Variants in MED12L observed in about 807,000 individuals in gnomAD.
MED12L encodes mediator complex subunit 12L, also known as mediator of RNA polymerase II transcription subunit 12-like protein.
MED12L carries 60 observed loss-of-function variants against 281.3 expected under a neutral mutation model. The ratio of observed to expected loss-of-function variants is 0.21; its 90% CI spans 0.17 to 0.26. The LOEUF (loss-of-function observed/expected upper bound fraction) is 0.26. MED12L is among the 10% of genes least tolerant of loss of function. The pLI, the probability that MED12L is intolerant of heterozygous loss-of-function variation, is 1.00. For missense variants in MED12L, 2,146 were observed against 2,680.9 expected (o/e 0.80, Z 4.41); for synonymous variants, 974 against 987.2 (o/e 0.99, Z 0.25).
intron 16 of MED12L, among the ~76,000 whole-genome samples, chr3:151,299,356 C>CTTTCTTCTCTTTTCTTTTCTTTTCT (rs1745556413): frequency 1.1e-5 from 1 of 94,352 alleles, no homozygotes; most frequent in African/African-American, 4.0e-5. Flanking sequence ...TTCCTTCCTT[C>CTTTCTTCTCTTTTCTTTTCTTTTCT]TTTCTTTTCT....
intron 36 of MED12L, 86 bp from the exon 37 acceptor site, chr3:151,387,724 T>G: frequency 1.3e-6 from 2 of 1,488,158 alleles, no homozygotes; most frequent in South Asian, 2.7e-5. Flanking sequence ...GCCAAAGTGT[T>G]CTCTGACTCC....
chr3:151,198,109 A>G, intron 16 of MED12L: 1 of 183,154 alleles, frequency 5.5e-6, no homozygotes, highest in Non-Finnish European at 1.1e-5. Context: ...ATTTAAATGA[A>G]TAACTCATGA....
intron 4 of MED12L, among the ~76,000 whole-genome samples, chr3:151,125,554 C>T (rs1007429239): frequency 4.6e-5 from 7 of 152,126 alleles, no homozygotes; most frequent in Non-Finnish European, 1.0e-4. Flanking sequence ...TGCTAACTTG[C>T]GCTTGTTTAT....
chr3:151,314,470 C>T (rs1363682351), intron 16 of MED12L, among the ~76,000 whole-genome samples: 1 of 152,160 alleles, frequency 6.6e-6, no homozygotes, highest in Non-Finnish European at 1.5e-5. Context: ...TCTGCTCTTG[C>T]CTCCCTGCTT....
intron 16 of MED12L, among the ~76,000 whole-genome samples, chr3:151,309,123 ACACACACACACACACACG>A (rs1747109721): frequency 1.5e-5 from 2 of 129,886 alleles, no homozygotes; most frequent in Middle Eastern, 3.8e-3. Context: ...ATACACGCAC[ACACACACACACACACACG>A]CACACACACA....
chr3:151,387,069 CACTT>C (rs1360235316), intron 36 of MED12L, among the ~76,000 whole-genome samples: 4 of 152,188 alleles, frequency 2.6e-5, no homozygotes, highest in African/African-American at 4.8e-5. Flanking sequence ...ACAACAGTAA[CACTT>C]ACATCTTAGG....
chr3:151,155,535 C>A (rs780307626), intron 5 of MED12L, among the ~76,000 whole-genome samples: 2 of 152,168 alleles, frequency 1.3e-5, no homozygotes, highest in Non-Finnish European at 2.9e-5. Flanking sequence ...AGATGATTGT[C>A]CTGAGGGAAG....
chr3:151,255,477 G>A (rs571098791), intron 16 of MED12L, among the ~76,000 whole-genome samples: 1 of 152,232 alleles, frequency 6.6e-6, no homozygotes, highest in South Asian at 2.1e-4. Context: ...CGGGCAGGCG[G>A]TTTGGGTATA....
At chr3:151,195,005 A>G (rs1355910138) in intron 16 of MED12L, among the ~76,000 whole-genome samples, 2 of 152,188 alleles carry the variant, frequency 1.3e-5, no homozygotes, top group Non-Finnish European at 2.9e-5. Flanking sequence ...TCTACTAAAA[A>G]TACAAAAAAT....
chr3:151,273,227 C>CTTTTTT (rs63035061), intron 16 of MED12L, among the ~76,000 whole-genome samples: 8 of 106,168 alleles, frequency 7.5e-5, no homozygotes, highest in African/African-American at 1.0e-4. Context: ...TTGTTGTGTT[C>CTTTTTT]TTTTTTTTTT....
intron 16 of MED12L, among the ~76,000 whole-genome samples, chr3:151,314,826 C>G (rs939603039): frequency 1.3e-5 from 2 of 152,176 alleles, no homozygotes; most frequent in Admixed American, 1.3e-4. Flanking sequence ...CTGATCTAAT[C>G]CCTTCATTTT....
At chr3:151,381,486 T>C (rs1712330817) in intron 32 of MED12L, among the ~76,000 whole-genome samples, 2 of 152,232 alleles carry the variant, frequency 1.3e-5, no homozygotes, top group East Asian at 1.9e-4. Flanking sequence ...GCACTGGCCA[T>C]GTTACTGTTC....
rs2107913055 is a variant in MED12L at position 151,365,146 on chromosome 3, G to A, written c.3125G>A (p.Arg1042His). The A allele has an allele frequency of 1.2e-6, 2 of 1,614,046 alleles. No individual in the cohort carries two copies. The highest frequency in any genetic ancestry group is 1.7e-6 in the Non-Finnish European group (2 of 1,179,964). The change falls in exon 22 of 45, where the codon CGC becomes CAC. Residue 1042 changes from arginine (R) to histidine (H), a missense_variant. Physicochemically the swap from Arg to His is conservative, Grantham distance 29. Transcript: ENST00000687756. ...GKILSDNAAN[R>H]YSFVCNTLMN... is the part of the protein sequence containing the mutation. ...ATCCTCAGTGACAATGCGGCCAATC[G>A]CTACAGCTTTGTCTGCAATACACTC... is the stretch of plus-strand genomic sequence containing the variant.
chr3:151,214,679 A>G lies in MED12L; in HGVS notation c.2250+21013A>G, dbSNP rs1727854106. 2.0e-5 allele frequency among the ~76,000 whole-genome samples: 3 copies of G among 151,816 alleles called. 1 individual carries two copies. Among genetic ancestry groups the G allele is most frequent in the South Asian group, 4.2e-4 (2 of 4,816 alleles). On this transcript the variant is annotated intron_variant, in intron 16 of 44. Coordinates refer to ENST00000687756, the MANE Select transcript of MED12L (RefSeq NM_001393769.1). ...AAGAATGGAGCAGACAGGTGGCAGT[A>G]AAGAGAAACTGGAGCAGCAGGGCAG...
At chr3:151,232,867 A>G (rs1464038727) in intron 16 of MED12L, among the ~76,000 whole-genome samples, 1 of 152,208 alleles carries the variant, frequency 6.6e-6, no homozygotes, top group Admixed American at 6.5e-5. Context: ...AATCTGCAAC[A>G]AATCCCTGTG....
intron 16 of MED12L, among the ~76,000 whole-genome samples, chr3:151,242,819 A>T (rs944844145): frequency 4.0e-5 from 6 of 151,602 alleles, no homozygotes; most frequent in African/African-American, 1.5e-4. Flanking sequence ...AATTACTCTG[A>T]GCTACGGGAG....
rs2148981349 is a variant in MED12L at position 151,165,905 on chromosome 3, C to T, written c.1417C>T (p.Arg473Ter). The change falls in exon 11 of 45, where the codon CGA becomes TGA. Residue 473 changes from arginine (R) to a stop codon, truncating the protein, a stop_gained. Transcript: ENST00000687756. LOFTEE classifies it high-confidence loss of function. ...AGTTTTGGATCGTCACTGTTTTGAC[C>T]GAACTGATTCCAGCAATTCCATGGA... is the stretch of plus-strand genomic sequence containing the variant. ...LEVLDRHCFD[R>*]TDSSNSMETL... The T allele has an allele frequency of 6.2e-7, 1 of 1,613,826 alleles. No homozygotes were observed. The highest frequency in any genetic ancestry group is 8.5e-7 in the Non-Finnish European group (1 of 1,179,804).
intron 16 of MED12L, among the ~76,000 whole-genome samples, chr3:151,265,798 T>G (rs1739713850): frequency 1.3e-5 from 2 of 152,064 alleles, no homozygotes; most frequent in Admixed American, 1.3e-4. Context: ...ATTGTGTTTG[T>G]ATAAAAAAAT....
chr3:151,289,346 A>G (rs115572365), intron 16 of MED12L, among the ~76,000 whole-genome samples: 2,248 of 152,368 alleles, frequency 0.015, 26 homozygotes, highest in Non-Finnish European at 0.023. Context: ...ACTCATACTT[A>G]CAAAGGTACA....
Sources: gnomAD v4.1 joint callset for allele counts (sites outside exome capture counted in the v4.1 genomes callset) on GRCh38, gnomAD v4.1.1 for gene constraint, MANE v1.5 for transcripts, NCBI Gene and HGNC (gene_info 2026-07-23, HGNC 2026-07-21) for gene names.